The following LRRC4C variants were observed in gnomAD, a reference collection of about 807,000 sequenced individuals.
LRRC4C encodes the protein leucine rich repeat containing 4C.
In LRRC4C, 5 loss-of-function variants were observed where a neutral mutation model predicts 33.6. The observed-to-expected ratio is 0.15, with a 90% CI of 0.08 to 0.31. The LOEUF (loss-of-function observed/expected upper bound fraction) is 0.31, where lower values mean the gene tolerates loss of function less well. LRRC4C is among the 10% of genes least tolerant of loss of function. LRRC4C has a pLI of 1.00. For synonymous variants in LRRC4C, 329 were observed against 302.0 expected (o/e 1.09, Z -0.93); for missense variants, 560 against 796.7 (o/e 0.70, Z 3.58).
At chr11:41,009,643 TA>T (rs1370577288) in intron 1 of LRRC4C, among the ~76,000 whole-genome samples, 1 of 152,084 alleles carries the variant, frequency 6.6e-6, no homozygotes, top group Admixed American at 6.6e-5. Context: ...TTAGCTATCA[TA>T]AAACAAGCTG....
intron 1 of LRRC4C, among the ~76,000 whole-genome samples, chr11:41,158,256 T>C (rs1447209390): frequency 6.6e-6 from 1 of 152,118 alleles, no homozygotes; most frequent in African/African-American, 2.4e-5. Flanking sequence ...CCTGTCAGCA[T>C]GATTCCTGAG....
At position 40,115,271 on chromosome 11, in the gene LRRC4C, A is replaced by G. The variant is rs1565001048; in HGVS notation, c.1022T>C (p.Ile341Thr). Residue 341 changes from isoleucine (I) to threonine (T), a missense_variant, in exon 7 of 7, where the codon ATT (isoleucine) becomes ACT (threonine). Ile to Thr is a moderately conservative substitution (Grantham distance 89). Transcript: ENST00000528697. The surrounding 1 kb of genome is among the most constrained non-coding windows in gnomAD (Gnocchi z 6.7). ...NTPPNLKGRY[I>T]GELDQNYFTC... The stretch of plus-strand genomic sequence containing the variant: ...GAAGTAATTCTGGTCGAGCTCTCCA[A>G]TGTACCTCCCCTTTAGATTGGGAGG... 2 of 1,613,982 alleles carry G rather than the reference A, an allele frequency of 1.2e-6. No homozygotes were observed. Among genetic ancestry groups the G allele is most frequent in the Admixed American group, 1.7e-5 (1 of 59,986 alleles).
chr11:41,076,939 T>G (rs1207296520), intron 1 of LRRC4C, among the ~76,000 whole-genome samples: 2 of 152,066 alleles, frequency 1.3e-5, no homozygotes, highest in Non-Finnish European at 2.9e-5. Context: ...TGGGAGAAAT[T>G]GGCCAAAAAA....
intron 2 of LRRC4C, among the ~76,000 whole-genome samples, chr11:40,890,457 TG>T (rs1357853526): frequency 1.3e-5 from 2 of 152,218 alleles, no homozygotes; most frequent in African/African-American, 4.8e-5. Context: ...AAAGGCCTCA[TG>T]ACCTAACTAC....
At position 41,041,025 on chromosome 11, in the gene LRRC4C, C is replaced by T. The variant is rs79109917; in HGVS notation, c.-495-107302G>A. Among the ~76,000 whole-genome samples the T allele has an allele frequency of 8.7e-3, 1,329 of 152,180 alleles. 26 individuals are homozygous for T. Among genetic ancestry groups the T allele is most frequent in the African/African-American group, 0.03 (1,251 of 41,524 alleles). ...AAATTGAATCTCATGGAAAAGATTG[C>T]CATTAAAAGGAATTTGTTTTAGAAT... On this transcript the variant is annotated intron_variant, in intron 1 of 6. Coordinates refer to ENST00000528697, the MANE Select transcript of LRRC4C (RefSeq NM_001258419.2).
chr11:41,391,930 G>A (rs1953612332), intron 1 of LRRC4C, among the ~76,000 whole-genome samples: 1 of 151,790 alleles, frequency 6.6e-6, no homozygotes, highest in South Asian at 2.1e-4. Flanking sequence ...ATTATCATAG[G>A]AGAAGCAGGC....
chr11:40,530,290 T>G (rs1956221937), intron 3 of LRRC4C, among the ~76,000 whole-genome samples: 2 of 152,106 alleles, frequency 1.3e-5, no homozygotes, highest in South Asian at 4.1e-4. Flanking sequence ...TTGGCCCAAA[T>G]TTTTACCTCT....
Position 40,638,608 on chromosome 11 carries a change from G to A in LRRC4C, c.-270+9534C>T, listed in dbSNP as rs190266563. On this transcript the variant is annotated intron_variant, in intron 3 of 6. Transcript: ENST00000528697. ...AAATATTTTTAATAACCTGTGGGAT[G>A]CCATTTTCAATCTTAATTAAATGGA... 2.2e-3 allele frequency among the ~76,000 whole-genome samples: 337 copies of A among 152,172 alleles called. 1 individual carries two copies. The highest frequency in any genetic ancestry group is 7.7e-3 in the African/African-American group (318 of 41,528).
chr11:40,808,303 T>A (rs1338816585), intron 2 of LRRC4C, among the ~76,000 whole-genome samples: 2 of 152,218 alleles, frequency 1.3e-5, no homozygotes, highest in South Asian at 4.1e-4. Context: ...TATATGATAA[T>A]GATAAATTCA....
intron 3 of LRRC4C, among the ~76,000 whole-genome samples, chr11:40,491,144 A>C (rs1954130637): frequency 6.6e-6 from 1 of 152,016 alleles, no homozygotes; most frequent in Non-Finnish European, 1.5e-5. Flanking sequence ...AATTAGCTGG[A>C]CGTGATGGCA....
chr11:40,912,123 C>T (rs1034422210), intron 2 of LRRC4C, among the ~76,000 whole-genome samples: 1 of 152,194 alleles, frequency 6.6e-6, no homozygotes, highest in Non-Finnish European at 1.5e-5. Flanking sequence ...AAACACTCTG[C>T]AGGATATTAT....
intron 2 of LRRC4C, among the ~76,000 whole-genome samples, chr11:40,842,795 C>T (rs1396305191): frequency 6.6e-6 from 1 of 152,088 alleles, no homozygotes; most frequent in Non-Finnish European, 1.5e-5. Context: ...ATAAACATTA[C>T]AATCACCTGG....
intron 1 of LRRC4C, among the ~76,000 whole-genome samples, chr11:40,957,453 C>T (rs988766107): frequency 4.6e-5 from 7 of 151,622 alleles, no homozygotes; most frequent in African/African-American, 1.7e-4. Context: ...TTTCCATCAC[C>T]CACTGTCTCC....
intron 1 of LRRC4C, among the ~76,000 whole-genome samples, chr11:41,088,917 T>A (rs921185224): frequency 2.6e-5 from 4 of 152,084 alleles, no homozygotes; most frequent in Non-Finnish European, 4.4e-5. Context: ...TAGATTTAGA[T>A]AACCGAAACA....
At chr11:40,130,998 C>T (rs1023702541) in intron 6 of LRRC4C, among the ~76,000 whole-genome samples, 7 of 152,248 alleles carry the variant, frequency 4.6e-5, no homozygotes, top group Non-Finnish European at 8.8e-5. Flanking sequence ...GTCCGTAAAG[C>T]CAAGACTATA....
chr11:41,126,497 G>A (rs1412432337), intron 1 of LRRC4C, among the ~76,000 whole-genome samples: 2 of 151,884 alleles, frequency 1.3e-5, no homozygotes, highest in Non-Finnish European at 2.9e-5. Context: ...TCACCAGAAA[G>A]TCAAAATGTT....
intron 4 of LRRC4C, among the ~76,000 whole-genome samples, chr11:40,247,711 G>A (rs1590813144): frequency 1.3e-5 from 2 of 152,076 alleles, no homozygotes; most frequent in East Asian, 1.9e-4. Context: ...GGTCTTTGAA[G>A]GTCTTGATAT....
At chr11:41,257,916 T>G (rs767211655) in intron 1 of LRRC4C, among the ~76,000 whole-genome samples, 3 of 151,996 alleles carry the variant, frequency 2.0e-5, no homozygotes, top group Non-Finnish European at 4.4e-5. Flanking sequence ...AAATATGAGT[T>G]CTTTTTCTTT....
chr11:41,048,971 T>A (rs1858003335), intron 1 of LRRC4C, among the ~76,000 whole-genome samples: 1 of 152,180 alleles, frequency 6.6e-6, no homozygotes, highest in South Asian at 2.1e-4. Context: ...AGTGGGCAGA[T>A]TGATTCGTAA....
Sources: gnomAD v4.1 joint callset for allele counts (sites outside exome capture counted in the v4.1 genomes callset) on GRCh38, gnomAD v4.1.1 for gene constraint, Gnocchi (gnomAD v3.1) non-coding constraint, MANE v1.5 for transcripts, NCBI Gene and HGNC (gene_info 2026-07-23, HGNC 2026-07-21) for gene names.